Variants in CRPPA observed in about 807,000 individuals in gnomAD.
CRPPA encodes CDP-L-ribitol pyrophosphorylase A.
Under a neutral mutation model 52.0 loss-of-function variants are expected in CRPPA, and 43 were observed. The ratio of observed to expected loss-of-function variants is 0.83; its 90% CI spans 0.65 to 1.07. The LOEUF (loss-of-function observed/expected upper bound fraction) is 1.07. CRPPA is among the 50% of genes least tolerant of loss of function. The pLI, the probability that CRPPA is intolerant of heterozygous loss-of-function variation, is 0.00. For synonymous variants in CRPPA, 250 were observed against 203.5 expected (o/e 1.23, Z -1.94); for missense variants, 629 against 551.7 (o/e 1.14, Z -1.40).
At chr7:16,204,518 C>T (rs10807781) in intron 9 of CRPPA, among the ~76,000 whole-genome samples, 109,585 of 151,864 alleles carry the variant, frequency 0.72, 39,773 homozygotes, top group Admixed American at 0.79. Context: ...ACATAATGGG[C>T]AGAATGTACA....
At chr7:16,307,224 T>G (rs1784930870) in intron 4 of CRPPA, among the ~76,000 whole-genome samples, 3 of 152,210 alleles carry the variant, frequency 2.0e-5, no homozygotes, top group African/African-American at 7.2e-5. Flanking sequence ...ATAATCTTAT[T>G]TCCAAATGTA....
chr7:16,138,139 T>A (rs1310907345), intron 9 of CRPPA, among the ~76,000 whole-genome samples: 1 of 152,216 alleles, frequency 6.6e-6, no homozygotes, highest in Non-Finnish European at 1.5e-5. Flanking sequence ...TATATGTGAC[T>A]TATTTCTCCA....
chr7:16,173,213 C>G (rs546067411), intron 9 of CRPPA, among the ~76,000 whole-genome samples: 1 of 152,244 alleles, frequency 6.6e-6, no homozygotes, highest in East Asian at 1.9e-4. Context: ...CCAGGTGGTT[C>G]TAGTGCAGGC....
intron 3 of CRPPA, among the ~76,000 whole-genome samples, chr7:16,319,356 T>A (rs1211352564): frequency 1.3e-5 from 2 of 152,096 alleles, no homozygotes; most frequent in Non-Finnish European, 2.9e-5. Flanking sequence ...CTTGTTGTCT[T>A]CTCTGCCAGT....
intron 9 of CRPPA, among the ~76,000 whole-genome samples, chr7:16,119,714 CA>C (rs2128369406): frequency 6.6e-6 from 1 of 152,182 alleles, no homozygotes; most frequent in South Asian, 2.1e-4. Context: ...GACTTCAAAA[CA>C]AAAAGCAGTA....
At chr7:16,185,766 T>C (rs765307523) in intron 9 of CRPPA, among the ~76,000 whole-genome samples, 3 of 152,208 alleles carry the variant, frequency 2.0e-5, no homozygotes, top group Non-Finnish European at 4.4e-5. Flanking sequence ...CACTGTATAA[T>C]TTAGCAGCAT....
In CRPPA at chr7:16,302,221, G is replaced by A. The variant is rs559348843; in HGVS notation, c.790-755C>T. ...TGAGGCAGGAGAATGGCGTGAACCC[G>A]GGAGGCGGAGCTTGCAGTGTGCCGA... On this transcript the variant is annotated intron_variant, in intron 4 of 9. Transcript: ENST00000407010. Among the ~76,000 whole-genome samples, 70 of 150,772 alleles carry A rather than the reference G, an allele frequency of 4.6e-4. 1 individual carries two copies. In the South Asian group the frequency reaches 7.2e-3, roughly 15 times the overall value.
At chr7:16,403,544 C>G (rs895835251) in intron 2 of CRPPA, among the ~76,000 whole-genome samples, 1 of 151,828 alleles carries the variant, frequency 6.6e-6, no homozygotes, top group Non-Finnish European at 1.5e-5. Context: ...AAATTAATAC[C>G]TAGGAAGAAA....
chr7:16,119,907 T>C (rs544446515), intron 9 of CRPPA, among the ~76,000 whole-genome samples: 1 of 152,134 alleles, frequency 6.6e-6, no homozygotes, highest in Non-Finnish European at 1.5e-5. Context: ...CATTTGCAAA[T>C]AAAAGGTGTT....
In CRPPA at chr7:16,308,619, G is replaced by C; in HGVS notation, c.693C>G (p.Asp231Glu). ...VIYEAYQQCS[D>E]YDLEFGTECL... is the part of the protein sequence containing the mutation. ...ACTCAGTTCCAAATTCCAAGTCATA[G>C]TCACTACACTGGTGTGGAAACAACA... The change falls in exon 4 of 10, where the codon GAC becomes GAG. Residue 231 changes from aspartate (D) to glutamate (E), a missense_variant. Transcript: ENST00000407010. The C allele has an allele frequency of 6.3e-7, 1 of 1,589,178 alleles. No individual in the cohort carries two copies. The highest frequency in any genetic ancestry group is 8.6e-7 in the Non-Finnish European group (1 of 1,159,616).
chr7:16,231,720 A>G (rs1173856200), intron 8 of CRPPA, among the ~76,000 whole-genome samples: 1 of 152,218 alleles, frequency 6.6e-6, no homozygotes, highest in Admixed American at 6.5e-5. Context: ...AATTTAGATG[A>G]ATCCAGTTTC....
chr7:16,258,374 C>A lies in CRPPA; in HGVS notation c.1119+16G>T. The A allele has an allele frequency of 1.3e-6, 2 of 1,492,998 alleles. No homozygotes were observed. The highest frequency in any genetic ancestry group is 1.8e-6 in the Non-Finnish European group (2 of 1,084,040). 92.5% of individuals were successfully genotyped at this position (1,492,998 alleles called of 1,614,324 possible). ...GAAGCATAAGTTTGAGAAAAATCTG[C>A]ATTAATTTCACTTACTGAAACAACA... On this transcript the variant is annotated intron_variant, in intron 8 of 9. Transcript: ENST00000407010.
At chr7:16,170,648 T>C (rs1053300340) in intron 9 of CRPPA, among the ~76,000 whole-genome samples, 2 of 152,124 alleles carry the variant, frequency 1.3e-5, no homozygotes, top group Admixed American at 6.5e-5. Flanking sequence ...ACCTTATCTG[T>C]CACACAGGGG....
intron 3 of CRPPA, among the ~76,000 whole-genome samples, chr7:16,312,430 C>T (rs967694388): frequency 1.1e-4 from 17 of 151,974 alleles, no homozygotes; most frequent in Admixed American, 2.6e-4. Flanking sequence ...CTGGTACAAA[C>T]GAAAGCAATG....
At chr7:16,359,213 C>T (rs1181958195) in intron 3 of CRPPA, among the ~76,000 whole-genome samples, 1 of 152,176 alleles carries the variant, frequency 6.6e-6, no homozygotes, top group Non-Finnish European at 1.5e-5. Flanking sequence ...CCTAGAACTC[C>T]TTGGCTCAAG....
intron 3 of CRPPA, among the ~76,000 whole-genome samples, chr7:16,318,451 T>C (rs1226673705): frequency 6.6e-6 from 1 of 152,172 alleles, no homozygotes; most frequent in East Asian, 1.9e-4. Context: ...GCAATCATTG[T>C]TCATATTTAA....
At chr7:16,360,178 C>T (rs898498094) in intron 3 of CRPPA, among the ~76,000 whole-genome samples, 6 of 152,178 alleles carry the variant, frequency 3.9e-5, no homozygotes, top group Non-Finnish European at 8.8e-5. Flanking sequence ...GTATTGATCT[C>T]TAAGGATTCT....
At chr7:16,367,240 C>T (rs965798377) in intron 3 of CRPPA, among the ~76,000 whole-genome samples, 4 of 152,090 alleles carry the variant, frequency 2.6e-5, no homozygotes, top group East Asian at 1.9e-4. Flanking sequence ...CCCACTGTGC[C>T]CCCTATCCTA....
intron 3 of CRPPA, among the ~76,000 whole-genome samples, chr7:16,320,022 T>C (rs1785224546): frequency 6.6e-6 from 1 of 152,170 alleles, no homozygotes; most frequent in African/African-American, 2.4e-5. Context: ...TTGCTTGTAA[T>C]TTGGCCTTCT....
Sources: allele counts gnomAD v4.1 joint callset (sites outside exome capture counted in the v4.1 genomes callset), GRCh38; gene constraint gnomAD v4.1.1; transcripts MANE v1.5; gene names NCBI Gene and HGNC (gene_info 2026-07-23, HGNC 2026-07-21).